The following FER variants were observed in gnomAD, a reference collection of about 807,000 sequenced individuals.
FER encodes FER tyrosine kinase, also known as tyrosine-protein kinase Fer.
FER carries 63 observed loss-of-function variants against 111.0 expected under a neutral mutation model. That is an observed-to-expected ratio of 0.57 (90% CI 0.46 to 0.70). The LOEUF (loss-of-function observed/expected upper bound fraction) is 0.70. FER is among the 30% of genes least tolerant of loss of function. The pLI is 0.00. For synonymous variants in FER, 327 were observed against 313.9 expected, an observed-to-expected ratio of 1.04 and a Z score of -0.44; for missense variants, 914 against 954.0, an observed-to-expected ratio of 0.96 and a Z score of 0.55.
chr5:108,971,323 G>A (rs1461054690), intron 13 of FER, among the ~76,000 whole-genome samples: 3 of 144,884 alleles, frequency 2.1e-5, no homozygotes, highest in African/African-American at 7.6e-5. Context: ...GAAATTCTCA[G>A]TACTGGAGAA....
At chr5:109,131,224 A>G (rs1475084117) in intron 17 of FER, among the ~76,000 whole-genome samples, 1 of 152,080 alleles carries the variant, frequency 6.6e-6, no homozygotes, top group African/African-American at 2.4e-5. Flanking sequence ...AAAGACCTCA[A>G]CTGTTCATTT....
chr5:108,757,058 C>G (rs1751197443), intron 1 of FER, among the ~76,000 whole-genome samples: 2 of 151,962 alleles, frequency 1.3e-5, no homozygotes, highest in African/African-American at 4.8e-5. Flanking sequence ...CCAAGGAGAC[C>G]CAGTTATAAA....
chr5:108,845,252 A>G (rs958274609), intron 5 of FER, among the ~76,000 whole-genome samples: 2 of 150,502 alleles, frequency 1.3e-5, no homozygotes, highest in African/African-American at 4.9e-5. Context: ...GGTCACTGTA[A>G]CCTCTGTCTC....
chr5:109,099,535 T>A (rs1747950293), intron 16 of FER, among the ~76,000 whole-genome samples: 1 of 151,344 alleles, frequency 6.6e-6, no homozygotes, highest in Non-Finnish European at 1.5e-5. Context: ...GTATCATAAA[T>A]GTAGAGTAAA....
At chr5:109,029,369 G>T (rs1166628214) in intron 13 of FER, among the ~76,000 whole-genome samples, 4 of 147,362 alleles carry the variant, frequency 2.7e-5, no homozygotes, top group African/African-American at 7.5e-5. Flanking sequence ...CTAGCATTAG[G>T]TATATCTCCC....
chr5:108,763,240 G>A (rs540862111), intron 1 of FER, among the ~76,000 whole-genome samples: 19 of 152,296 alleles, frequency 1.2e-4, no homozygotes, highest in African/African-American at 4.6e-4. Flanking sequence ...TTGCAAACAA[G>A]CAAGTTACCT....
chr5:109,068,343 C>T (rs1775370577), intron 16 of FER, among the ~76,000 whole-genome samples: 1 of 152,066 alleles, frequency 6.6e-6, no homozygotes, highest in South Asian at 2.1e-4. Context: ...GCCTCCACAC[C>T]CGGCTAATTT....
chr5:108,931,808 C>T (rs924036356), intron 10 of FER, among the ~76,000 whole-genome samples: 32 of 151,542 alleles, frequency 2.1e-4, no homozygotes, highest in Non-Finnish European at 1.6e-4. Flanking sequence ...CCACCCTAGG[C>T]GACAAGAATG....
At chr5:108,834,553 C>T (rs1167444854) in intron 4 of FER, among the ~76,000 whole-genome samples, 2 of 152,012 alleles carry the variant, frequency 1.3e-5, no homozygotes, top group South Asian at 2.1e-4. Context: ...CAAAAATTAG[C>T]CAGGTGCGGT....
intron 1 of FER, among the ~76,000 whole-genome samples, chr5:108,754,358 G>T (rs979969143): frequency 7.0e-6 from 1 of 143,026 alleles, no homozygotes; most frequent in Admixed American, 7.4e-5. Context: ...ATTGAGCTAT[G>T]ATTGCAGCAC....
chr5:108,800,133 A>C (rs1051804425), intron 3 of FER, among the ~76,000 whole-genome samples: 2 of 151,990 alleles, frequency 1.3e-5, no homozygotes, highest in African/African-American at 4.8e-5. Flanking sequence ...GACCTCATAA[A>C]TCTTGACCTC....
At position 109,192,460 on chromosome 5, in the gene FER, G is replaced by C. The variant is rs143454051; in HGVS notation, c.*4885G>C. ...AACCAAATACCTCTCCTTGTGTTAG[G>C]AGCACTGTTATATTCCCAGCTCAGA... On this transcript the variant is annotated 3_prime_UTR_variant, in exon 20 of 20. Coordinates refer to ENST00000281092, the MANE Select transcript of FER (RefSeq NM_005246.4). 6.6e-6 allele frequency: 1 copy of C among 152,110 alleles called. No individual in the cohort carries two copies. The highest frequency in any genetic ancestry group is 1.5e-5 in the Non-Finnish European group (1 of 68,010). The allele number at this position is 152,110 out of a possible 1,614,324, so 9.4% of individuals were successfully genotyped here.
intron 16 of FER, among the ~76,000 whole-genome samples, chr5:109,075,499 C>T (rs77173218): frequency 2.0e-5 from 3 of 149,912 alleles, no homozygotes; most frequent in African/African-American, 2.5e-5. Context: ...TCTCGACTCA[C>T]TGCAAGCTCC....
chr5:109,092,410 A>C (rs561428548), intron 16 of FER, among the ~76,000 whole-genome samples: 1 of 152,060 alleles, frequency 6.6e-6, no homozygotes, highest in East Asian at 1.9e-4. Flanking sequence ...AATTCCTGCA[A>C]CTCAACAACA....
intron 17 of FER, among the ~76,000 whole-genome samples, chr5:109,131,412 A>G (rs963444616): frequency 6.6e-6 from 1 of 152,150 alleles, no homozygotes; most frequent in African/African-American, 2.4e-5. Context: ...GTAGCATAAG[A>G]TTTTTTCCCC....
intron 13 of FER, among the ~76,000 whole-genome samples, chr5:108,983,626 C>G (rs1398236351): frequency 6.6e-6 from 1 of 151,986 alleles, no homozygotes; most frequent in Non-Finnish European, 1.5e-5. Flanking sequence ...ATATGGAATT[C>G]CTAAGTTGAG....
At chr5:109,081,717 G>GT in intron 16 of FER, among the ~76,000 whole-genome samples, 1 of 151,998 alleles carries the variant, frequency 6.6e-6, no homozygotes, top group East Asian at 1.9e-4. Context: ...AAAGAGAAAT[G>GT]TAAGTCTTAG....
intron 10 of FER, among the ~76,000 whole-genome samples, chr5:108,922,963 A>C (rs895577340): frequency 1.3e-5 from 2 of 152,154 alleles, no homozygotes; most frequent in Non-Finnish European, 2.9e-5. Context: ...CTGGATCCAC[A>C]GTCCTTGGAT....
chr5:108,780,174 A>G (rs1753898817), intron 2 of FER, among the ~76,000 whole-genome samples: 1 of 152,036 alleles, frequency 6.6e-6, no homozygotes, highest in African/African-American at 2.4e-5. Flanking sequence ...TCTTACCTTC[A>G]CTTATTCATC....
Sources: gnomAD v4.1 joint callset for allele counts (sites outside exome capture counted in the v4.1 genomes callset) on GRCh38, gnomAD v4.1.1 for gene constraint, MANE v1.5 for transcripts, NCBI Gene and HGNC (gene_info 2026-07-23, HGNC 2026-07-21) for gene names.